Variants in NECAB1 observed in about 807,000 individuals in gnomAD.
NECAB1 encodes the protein N-terminal EF-hand calcium-binding protein 1.
A neutral mutation model predicts 57.5 loss-of-function variants in NECAB1; 29 were observed. That is an observed-to-expected ratio of 0.50 (90% CI 0.38 to 0.69). The LOEUF is 0.69. Ranked by LOEUF, NECAB1 falls within the 30% of genes least tolerant of loss-of-function variation. The pLI is 0.00. For synonymous variants in NECAB1, 142 were observed against 147.7 expected, an observed-to-expected ratio of 0.96 and a Z score of 0.28; for missense variants, 372 against 413.8, an observed-to-expected ratio of 0.90 and a Z score of 0.88.
At chr8:90,901,610 G>C (rs1809504704) in intron 5 of NECAB1, among the ~76,000 whole-genome samples, 1 of 152,200 alleles carries the variant, frequency 6.6e-6, no homozygotes, top group Non-Finnish European at 1.5e-5. Context: ...CCTTCCTTTT[G>C]AAAATGAGCA....
At chr8:90,927,454 C>A (rs1352049400) in intron 7 of NECAB1, among the ~76,000 whole-genome samples, 2 of 151,924 alleles carry the variant, frequency 1.3e-5, no homozygotes, top group Admixed American at 1.3e-4. Flanking sequence ...TCAGCAAATG[C>A]CTATGAAAAC....
chr8:90,860,921 G>C (rs890697979), intron 3 of NECAB1, among the ~76,000 whole-genome samples: 1 of 152,114 alleles, frequency 6.6e-6, no homozygotes, highest in Non-Finnish European at 1.5e-5. Flanking sequence ...GGCTCCTTGG[G>C]AAATTCGTAA....
rs79689774 is a variant in NECAB1, at chr8:90,798,206, G to C, written c.100-3485G>C. On this transcript the variant is annotated intron_variant, in intron 1 of 12. Coordinates refer to ENST00000417640, the MANE Select transcript of NECAB1 (RefSeq NM_022351.5). ...CTCTGAATTTCTCTCCTTGTAAGAT[G>C]CCCAGTCATTGGACTTAGGGACCAC... 6.9e-3 allele frequency among the ~76,000 whole-genome samples: 1,044 copies of C among 152,278 alleles called. 12 individuals carry two copies. The highest frequency in any genetic ancestry group is 0.024 in the African/African-American group (990 of 41,546).
chr8:90,954,847 TTA>T (rs1810990847), intron 12 of NECAB1, among the ~76,000 whole-genome samples: 1 of 148,414 alleles, frequency 6.7e-6, no homozygotes. Context: ...CTGCATATAT[TTA>T]TAAATATATG....
In NECAB1 at chr8:90,914,113, C is replaced by T. The variant is rs1251100762; in HGVS notation, c.358-3379C>T. Among the ~76,000 whole-genome samples, 8 of 152,140 alleles carry T rather than the reference C, an allele frequency of 5.3e-5. No homozygotes were observed. In the East Asian group the frequency reaches 1.2e-3, roughly 22 times the overall value. ...CCCGGTTTCTCACACATTTCTTAAG[C>T]ATTTATGGGGCAGCTGCTATGAGGC... is the stretch of plus-strand genomic sequence containing the variant. On this transcript the variant is annotated intron_variant, in intron 5 of 12. Coordinates refer to ENST00000417640, the MANE Select transcript of NECAB1 (RefSeq NM_022351.5).
Position 90,791,805 on chromosome 8 carries a change from G to A in NECAB1, c.-82G>A. 3 of 1,149,096 alleles carry A rather than the reference G, an allele frequency of 2.6e-6. No individual in the cohort carries two copies. Among genetic ancestry groups the A allele is most frequent in the Admixed American group, 2.1e-5 (1 of 47,762 alleles). 71.2% of individuals were successfully genotyped at this position (1,149,096 alleles called of 1,614,324 possible). On this transcript the variant is annotated 5_prime_UTR_variant, in exon 1 of 13. Coordinates refer to ENST00000417640, the MANE Select transcript of NECAB1 (RefSeq NM_022351.5). ...GGATCCAGAGCCCGGCGGCGGCGAA[G>A]CAGCAGCTGCGGCCGCGCCCTTGCC...
At chr8:90,873,639 T>A (rs903339099) in intron 4 of NECAB1, among the ~76,000 whole-genome samples, 1 of 152,218 alleles carries the variant, frequency 6.6e-6, no homozygotes, top group Non-Finnish European at 1.5e-5. Flanking sequence ...TTTTTTGTTT[T>A]TCACTTAACT....
chr8:90,854,227 G>T (rs571452502), intron 3 of NECAB1, among the ~76,000 whole-genome samples: 1 of 152,128 alleles, frequency 6.6e-6, no homozygotes, highest in Admixed American at 6.5e-5. Context: ...TTCTATTATT[G>T]GTTCATCAAT....
intron 2 of NECAB1, among the ~76,000 whole-genome samples, chr8:90,819,348 A>C (rs911319902): frequency 6.6e-6 from 1 of 151,898 alleles, no homozygotes; most frequent in African/African-American, 2.4e-5. Context: ...CTTGCATTTT[A>C]GCATGATTTG....
At chr8:90,916,948 C>T (rs1235625398) in intron 5 of NECAB1, among the ~76,000 whole-genome samples, 1 of 152,188 alleles carries the variant, frequency 6.6e-6, no homozygotes, top group Non-Finnish European at 1.5e-5. Flanking sequence ...CATTTAAATA[C>T]TCCAATCCTA....
intron 12 of NECAB1, among the ~76,000 whole-genome samples, chr8:90,955,112 T>TTTTATATATATATATATA (rs1554578887): frequency 2.8e-5 from 2 of 70,816 alleles, no homozygotes; most frequent in African/African-American, 9.4e-5. Flanking sequence ...GGTATATAAA[T>TTTTATATATATATATATA]TATATATATA....
chr8:90,852,785 C>A (rs1056594753), intron 3 of NECAB1, among the ~76,000 whole-genome samples: 2 of 152,166 alleles, frequency 1.3e-5, no homozygotes, highest in African/African-American at 4.8e-5. Context: ...TTTCAACTCC[C>A]CTTCCCACTG....
At position 90,883,751 on chromosome 8, in the gene NECAB1, A is replaced by C. The variant is rs1158025560; in HGVS notation, c.357+2621A>C. Among the ~76,000 whole-genome samples the C allele has an allele frequency of 2.0e-5, 3 of 152,186 alleles. No individual in the cohort carries two copies. In the East Asian group the frequency reaches 5.8e-4, roughly 29 times the overall value. On this transcript the variant is annotated intron_variant, in intron 5 of 12. Coordinates refer to ENST00000417640, the MANE Select transcript of NECAB1 (RefSeq NM_022351.5). ...CAAAACACCATAGGTCAAATTCCAA[A>C]TGGCCATTTGAAAGTCCCAGAGGTA...
rs1217925961 is a variant in NECAB1 at position 90,956,626 on chromosome 8, T to C, written c.*1114T>C. 6.6e-6 allele frequency: 1 copy of C among 151,860 alleles called. No individual in the cohort carries two copies. The highest frequency in any genetic ancestry group is 2.4e-5 in the African/African-American group (1 of 41,392). The allele number at this position is 151,860 out of a possible 1,614,324, so 9.4% of individuals were successfully genotyped here. A position where few individuals can be genotyped will look rare whatever the true frequency, so the allele number is the denominator to read the frequency against. ...CTTGCTAATGAAAATACAATACATA[T>C]AAAAATGTATAGCCATGTTATTTTC... On this transcript the variant is annotated 3_prime_UTR_variant, in exon 13 of 13. Transcript: ENST00000417640.
chr8:90,938,425 T>C (rs1489694010), intron 9 of NECAB1, among the ~76,000 whole-genome samples: 1 of 152,324 alleles, frequency 6.6e-6, no homozygotes, highest in South Asian at 2.1e-4. Flanking sequence ...GGCTGTGTAT[T>C]TGACACAAGA....
intron 4 of NECAB1, among the ~76,000 whole-genome samples, chr8:90,873,012 CTT>C: frequency 6.6e-6 from 1 of 152,076 alleles, no homozygotes; most frequent in East Asian, 1.9e-4. Context: ...AGGCCATTTT[CTT>C]ATATTCAAGA....
intron 6 of NECAB1, among the ~76,000 whole-genome samples, chr8:90,924,857 C>T (rs1188502968): frequency 6.6e-6 from 1 of 151,834 alleles, no homozygotes; most frequent in African/African-American, 2.4e-5. Context: ...AAGCCTAAAA[C>T]TAAAAATTAA....
At chr8:90,839,530 G>A (rs938445575) in intron 3 of NECAB1, among the ~76,000 whole-genome samples, 9 of 152,192 alleles carry the variant, frequency 5.9e-5, no homozygotes, top group African/African-American at 2.2e-4. Context: ...AGTGCTTTGA[G>A]AGGAACAGGG....
chr8:90,802,868 T>G (rs1157791692), intron 2 of NECAB1, among the ~76,000 whole-genome samples: 1 of 152,064 alleles, frequency 6.6e-6, no homozygotes, highest in East Asian at 1.9e-4. Flanking sequence ...ACTATTTTGT[T>G]TTTAGTTTTA....
Sources: allele counts gnomAD v4.1 joint callset (sites outside exome capture counted in the v4.1 genomes callset), GRCh38; gene constraint gnomAD v4.1.1; transcripts MANE v1.5; gene names NCBI Gene and HGNC (gene_info 2026-07-23, HGNC 2026-07-21).